The following MOV10L1 variants were observed in gnomAD, a reference collection of about 807,000 sequenced individuals.
The protein encoded by MOV10L1 is Mov10 like RNA helicase 1.
Under a neutral mutation model 143.8 loss-of-function variants are expected in MOV10L1, and 110 were observed. The ratio of observed to expected loss-of-function variants is 0.76; its 90% CI spans 0.66 to 0.90. The LOEUF (loss-of-function observed/expected upper bound fraction) is 0.90, where lower values mean the gene tolerates loss of function less well. Ranked by LOEUF, MOV10L1 falls within the 40% of genes least tolerant of loss-of-function variation. The probability of loss-of-function intolerance (pLI) is 0.00; values close to 1 mark genes in which losing one functional copy is unlikely to be tolerated. For synonymous variants in MOV10L1, 593 were observed against 581.1 expected (o/e 1.02, Z -0.29); for missense variants, 1,406 against 1,526.8 (o/e 0.92, Z 1.32).
At chr22:50,106,528 A>C (rs1029475361) in intron 3 of MOV10L1, among the ~76,000 whole-genome samples, 1 of 151,998 alleles carries the variant, frequency 6.6e-6, no homozygotes, top group Non-Finnish European at 1.5e-5. Context: ...AACGTATAGA[A>C]CTAGTACATT....
chr22:50,133,300 G>C (rs1426656442), intron 13 of MOV10L1, among the ~76,000 whole-genome samples: 1 of 151,494 alleles, frequency 6.6e-6, no homozygotes, highest in African/African-American at 2.4e-5. Flanking sequence ...TTTTAATCAA[G>C]AATGGATATG....
At chr22:50,108,952 C>A in intron 5 of MOV10L1, 108 bp downstream of exon 5, 2 of 1,046,252 alleles carry the variant, frequency 1.9e-6, no homozygotes, top group African/African-American at 1.6e-5. Context: ...CAAGACCAGC[C>A]TGACCAACGT....
At chr22:50,130,572 C>T (rs559317139) in intron 13 of MOV10L1, among the ~76,000 whole-genome samples, 138 of 143,014 alleles carry the variant, frequency 9.6e-4, no homozygotes, top group African/African-American at 3.2e-3. Context: ...TACAGGAGGA[C>T]CAGGAGGGGG....
intron 15 of MOV10L1, among the ~76,000 whole-genome samples, chr22:50,136,227 T>TACTGGTTC: frequency 6.6e-6 from 1 of 152,222 alleles, no homozygotes; most frequent in South Asian, 2.1e-4. Context: ...ATCACCTCAT[T>TACTGGTTC]ACTGGTTCAT....
chr22:50,104,649 A>T (rs2061824548), intron 3 of MOV10L1, among the ~76,000 whole-genome samples: 1 of 152,164 alleles, frequency 6.6e-6, no homozygotes, highest in South Asian at 2.1e-4. Flanking sequence ...TTTTTCAGAA[A>T]CTATTAAAAA....
intron 18 of MOV10L1, among the ~76,000 whole-genome samples, chr22:50,145,085 GGTGT>G (rs2063111973): frequency 6.6e-6 from 1 of 152,046 alleles, no homozygotes; most frequent in Non-Finnish European, 1.5e-5. Context: ...TAGGATTACA[GGTGT>G]GTGCCACCAC....
At chr22:50,108,527 GC>G (rs1343904372) in intron 4 of MOV10L1, 129 bp from the exon 5 acceptor site, 3 of 962,766 alleles carry the variant, frequency 3.1e-6, no homozygotes, top group Non-Finnish European at 4.8e-6. Context: ...CTGGACCAGT[GC>G]TACGGGATGG....
intron 7 of MOV10L1, 92 bp from the exon 8 acceptor site, chr22:50,115,022 G>A: frequency 7.4e-7 from 1 of 1,355,840 alleles, no homozygotes; most frequent in Non-Finnish European, 1.0e-6. Context: ...CTTTGTGTGT[G>A]TGAGAGAGTA....
rs752333465 is a variant in MOV10L1 at position 50,161,498 on chromosome 22, T to A, written c.*49T>A. On this transcript the variant is annotated 3_prime_UTR_variant, in exon 27 of 27. Transcript: ENST00000262794. ...GGCCATGTGCTCAGCCTGGCCACGT[T>A]GCCGTTACAGTCTGCTCCGTGGCTC... 1 of 1,530,086 alleles carries A rather than the reference T, an allele frequency of 6.5e-7. No individual in the cohort carries two copies. The highest frequency in any genetic ancestry group is 1.4e-5 in the African/African-American group (1 of 72,676). 94.8% of individuals were successfully genotyped at this position (1,530,086 alleles called of 1,614,324 possible).
chr22:50,144,827 C>T (rs982668217), intron 18 of MOV10L1, among the ~76,000 whole-genome samples: 10 of 152,186 alleles, frequency 6.6e-5, no homozygotes, highest in South Asian at 6.2e-4. Context: ...ATGATCTGCC[C>T]GCCTCGGCCT....
At chr22:50,119,602 A>G (rs1345667624) in intron 9 of MOV10L1, among the ~76,000 whole-genome samples, 2 of 151,794 alleles carry the variant, frequency 1.3e-5, no homozygotes, top group South Asian at 2.1e-4. Flanking sequence ...CTAAGCCTGT[A>G]GTGATCATCC....
intron 3 of MOV10L1, among the ~76,000 whole-genome samples, chr22:50,106,699 CTTTT>C (rs71198216): frequency 3.3e-3 from 401 of 120,678 alleles, no homozygotes; most frequent in East Asian, 5.9e-3. Flanking sequence ...AGGACATGGT[CTTTT>C]TTTTTTTTTT....
At chr22:50,126,132 T>C (rs1229495700) in intron 11 of MOV10L1, 70 bp from the exon 12 acceptor site, 2 of 1,147,990 alleles carry the variant, frequency 1.7e-6, no homozygotes, top group African/African-American at 3.1e-5. Flanking sequence ...CAGTGTTGGA[T>C]TTTATAGGAC....
rs184886387 is a variant in MOV10L1 at position 50,100,165 on chromosome 22, G to A, written c.442+563G>A. The stretch of plus-strand genomic sequence containing the variant: ...CACCACCATGCCCAGCTAATTTTTT[G>A]TATTTTTAGTAAAGATGGGGTTTCA... On this transcript the variant is annotated intron_variant, in intron 3 of 26. Coordinates refer to ENST00000262794, the MANE Select transcript of MOV10L1 (RefSeq NM_018995.3). 6.6e-4 allele frequency among the ~76,000 whole-genome samples: 100 copies of A among 151,902 alleles called. 1 individual carries two copies. Among genetic ancestry groups the A allele is most frequent in the Middle Eastern group, 6.8e-3 (2 of 294 alleles).
In MOV10L1 at chr22:50,112,073, T is replaced by C. The variant is rs551050169; in HGVS notation, c.744-1575T>C. ...GGACTTGGGGCTGTGGGAGGTGTTATGGGACAGGGCCTGGTGGGCTCAGCC... is the reference window on the plus strand; with the variant it reads ...GGACTTGGGGCTGTGGGAGGTGTTACGGGACAGGGCCTGGTGGGCTCAGCC... On this transcript the variant is annotated intron_variant, in intron 5 of 26. Transcript: ENST00000262794. Among the ~76,000 whole-genome samples the C allele has an allele frequency of 1.5e-3, 226 of 152,260 alleles. 2 individuals are homozygous for C. Among genetic ancestry groups the C allele is most frequent in the Non-Finnish European group, 1.8e-3 (120 of 68,006 alleles).
intron 19 of MOV10L1, 100 bp downstream of exon 19, chr22:50,145,910 T>A (rs2063140389): frequency 6.5e-7 from 1 of 1,528,678 alleles, no homozygotes; most frequent in Non-Finnish European, 8.9e-7. Flanking sequence ...AGAGACTCAG[T>A]GCTCAGGGAG....
At chr22:50,154,040 G>A (rs1245793226) in intron 22 of MOV10L1, among the ~76,000 whole-genome samples, 2 of 152,222 alleles carry the variant, frequency 1.3e-5, no homozygotes, top group African/African-American at 4.8e-5. Context: ...AGTTCCTGAG[G>A]GAGAAAATCT....
intron 10 of MOV10L1, among the ~76,000 whole-genome samples, chr22:50,122,663 T>C (rs1349541088): frequency 6.6e-6 from 1 of 152,188 alleles, no homozygotes; most frequent in African/African-American, 2.4e-5. Context: ...TCTTTCACCA[T>C]TGAGTATGAT....
chr22:50,100,224 C>T (rs2062704167), intron 3 of MOV10L1, among the ~76,000 whole-genome samples: 1 of 152,102 alleles, frequency 6.6e-6, no homozygotes, highest in Admixed American at 6.5e-5. Flanking sequence ...AACTCTTGAC[C>T]TTAGGTGATC....
Sources: gnomAD v4.1 joint callset for allele counts (sites outside exome capture counted in the v4.1 genomes callset) on GRCh38, gnomAD v4.1.1 for gene constraint, MANE v1.5 for transcripts, NCBI Gene and HGNC (gene_info 2026-07-23, HGNC 2026-07-21) for gene names.